NPHP4: variants seen among roughly 807,000 people sequenced by gnomAD.
NPHP4 encodes nephrocystin 4.
A neutral mutation model predicts 155.8 loss-of-function variants in NPHP4; 151 were observed. The ratio of observed to expected loss-of-function variants is 0.97; its 90% CI spans 0.85 to 1.11. The LOEUF (loss-of-function observed/expected upper bound fraction) is 1.11, where lower values mean the gene tolerates loss of function less well. Among genes scored for constraint, NPHP4 ranks in the 50% least tolerant of loss-of-function variants. The pLI is 0.00. For synonymous variants in NPHP4, 845 were observed against 816.8 expected (o/e 1.03, Z -0.59); for missense variants, 1,956 against 1,925.7 (o/e 1.02, Z -0.29).
intron 4 of NPHP4, among the ~76,000 whole-genome samples, chr1:5,968,818 G>C (rs1224583153): frequency 6.6e-6 from 1 of 152,018 alleles, no homozygotes; most frequent in Admixed American, 6.6e-5. Flanking sequence ...TGCATCACTT[G>C]AGGTCAGGAG....
intron 20 of NPHP4, 111 bp downstream of exon 20, chr1:5,876,982 G>A: frequency 4.0e-6 from 3 of 751,350 alleles, no homozygotes; most frequent in Admixed American, 8.3e-5. Context: ...TCTGTCCCCA[G>A]GATTTGGGAG....
rs1553194700 is a variant in NPHP4, at chr1:5,964,940, TA to T, written c.517+2358del. ...TATTATATATATATATATATATATATATTTTTTTTTTTTGAGGCAGGGTCTC... is the reference window on the plus strand; with the variant it reads ...TATTATATATATATATATATATATATTTTTTTTTTTTTGAGGCAGGGTCTC... On this transcript the variant is annotated intron_variant, in intron 5 of 29. Coordinates refer to ENST00000378156, the MANE Select transcript of NPHP4 (RefSeq NM_015102.5). Among the ~76,000 whole-genome samples the T allele has an allele frequency of 3.6e-3, 213 of 59,906 alleles. 10 individuals are homozygous for T. The highest frequency in any genetic ancestry group is 8.5e-3 in the South Asian group (17 of 1,998). The allele number at this position is 59,906 out of a possible 152,430, so 39.3% of individuals were successfully genotyped here.
chr1:5,872,463 C>T (rs1415235303), intron 23 of NPHP4, among the ~76,000 whole-genome samples: 1 of 152,210 alleles, frequency 6.6e-6, no homozygotes, highest in African/African-American at 2.4e-5. Context: ...AAAGCGTTAA[C>T]CTAGAGCACT....
rs187790908 is a variant in NPHP4 at position 5,944,415 on chromosome 1, C to G, written c.1119+2689G>C. Among the ~76,000 whole-genome samples the G allele has an allele frequency of 6.6e-6, 1 of 152,220 alleles. No individual in the cohort carries two copies. The highest frequency in any genetic ancestry group is 1.5e-5 in the Non-Finnish European group (1 of 68,036). The stretch of plus-strand genomic sequence containing the variant: ...CCCGCCCTGGGCCTTCCAAGGAGCG[C>G]GCTGGGCTCCTCTACCACAGCCACC... On this transcript the variant is annotated intron_variant, in intron 9 of 29. Coordinates refer to ENST00000378156, the MANE Select transcript of NPHP4 (RefSeq NM_015102.5). This position sits in a 1 kb window ranked among gnomAD's most constrained non-coding sequence, Gnocchi z 4.3.
chr1:5,874,258 C>T (rs565580608), intron 22 of NPHP4, among the ~76,000 whole-genome samples: 43 of 109,322 alleles, frequency 3.9e-4, no homozygotes, highest in South Asian at 1.2e-3. Flanking sequence ...TGGTCCAGCT[C>T]GACACCCATC....
At chr1:5,919,620 T>C (rs895754218) in intron 11 of NPHP4, among the ~76,000 whole-genome samples, 6 of 152,326 alleles carry the variant, frequency 3.9e-5, no homozygotes, top group African/African-American at 1.4e-4. Context: ...CCTAAAGTGT[T>C]TGCAGAATGG....
chr1:5,976,336 G>A (rs574997187), intron 3 of NPHP4, among the ~76,000 whole-genome samples: 34 of 152,284 alleles, frequency 2.2e-4, no homozygotes, highest in African/African-American at 7.9e-4. Context: ...CCGATGCCTG[G>A]CCACGGGAAG....
intron 27 of NPHP4, chr1:5,864,855 G>A: frequency 1.8e-6 from 1 of 560,968 alleles, no homozygotes; most frequent in Admixed American, 3.0e-5. Context: ...CAGAGCTCCT[G>A]TCACTGTTCA....
rs1179976179 is a variant in NPHP4, at chr1:5,964,970, G to A, written c.517+2329C>T. Among the ~76,000 whole-genome samples the A allele has an allele frequency of 6.3e-5, 6 of 95,432 alleles. No individual in the cohort carries two copies. The East Asian group carries it at 7.6e-4, about 12-fold the overall frequency. 62.6% of individuals were successfully genotyped at this position (95,432 alleles called of 152,430 possible). On this transcript the variant is annotated intron_variant, in intron 5 of 29. Transcript: ENST00000378156. ...TTTTTTTTTGAGGCAGGGTCTCACC[G>A]TCGCCCAGGCTGGAGTGCAGTGGTG...
chr1:5,954,499 G>GTT (rs983304969), intron 6 of NPHP4, among the ~76,000 whole-genome samples: 4 of 152,100 alleles, frequency 2.6e-5, no homozygotes, highest in African/African-American at 9.7e-5. Flanking sequence ...CTCACATTAG[G>GTT]TTTGCCCAAT....
intron 1 of NPHP4, among the ~76,000 whole-genome samples, chr1:5,987,846 G>A (rs911116740): frequency 6.6e-6 from 1 of 152,106 alleles, no homozygotes; most frequent in Non-Finnish European, 1.5e-5. Flanking sequence ...CTTCTCAAAC[G>A]TGAACAAAGT....
At position 5,863,297 on chromosome 1, in the gene NPHP4, C is replaced by T. The variant is rs746775119; in HGVS notation, c.4249G>A (p.Glu1417Lys). 1 of 1,614,042 alleles carries T rather than the reference C, an allele frequency of 6.2e-7. No individual in the cohort carries two copies. The highest frequency in any genetic ancestry group is 8.5e-7 in the Non-Finnish European group (1 of 1,179,892). ...YINDHEDKNE[E>K]AFCVKVIYQ is the part of the protein sequence containing the mutation. ...TAGATGACCTTCACGCAAAATGCCT[C>T]TTCGTTTTTGTCCTCATGGTCATTG... Residue 1417 changes from glutamate to lysine, a missense_variant, in exon 30 of 30, where the codon GAG becomes AAG. Physicochemically the swap from Glu to Lys is moderately conservative, Grantham distance 56. Coordinates refer to ENST00000378156, the MANE Select transcript of NPHP4 (RefSeq NM_015102.5).
In NPHP4 at chr1:5,890,049, A is replaced by C. The variant is rs1557663460; in HGVS notation, c.2304+819T>G. ...CCCGAGAGCACAGCGCAGCTGAAGG[A>C]GCAGAGGAGCCGTGCTTCTCAGGGG... On this transcript the variant is annotated intron_variant, in intron 17 of 29. Coordinates refer to ENST00000378156, the MANE Select transcript of NPHP4 (RefSeq NM_015102.5). This position sits in a 1 kb window ranked among gnomAD's most constrained non-coding sequence, Gnocchi z 4.9. Among the ~76,000 whole-genome samples, 1 of 151,798 alleles carries C rather than the reference A, an allele frequency of 6.6e-6. No individual in the cohort carries two copies.
intron 6 of NPHP4, among the ~76,000 whole-genome samples, chr1:5,959,403 T>C (rs114222920): frequency 0.013 from 1,982 of 152,190 alleles, 34 homozygotes; most frequent in African/African-American, 0.042. Context: ...AATCCAAAAC[T>C]CTGTCTCCCA....
intron 9 of NPHP4, among the ~76,000 whole-genome samples, chr1:5,945,055 T>C (rs1188366876): frequency 6.6e-6 from 1 of 152,150 alleles, no homozygotes; most frequent in Non-Finnish European, 1.5e-5. Flanking sequence ...AACCACCTGT[T>C]GTCAGGAATT....
chr1:5,980,989 C>A (rs531278080), intron 2 of NPHP4, among the ~76,000 whole-genome samples: 1 of 152,330 alleles, frequency 6.6e-6, no homozygotes, highest in East Asian at 1.9e-4. Flanking sequence ...CCCAGAGCAA[C>A]CCCCTGGCTT....
intron 6 of NPHP4, among the ~76,000 whole-genome samples, chr1:5,957,939 C>T (rs1397971448): frequency 6.6e-6 from 1 of 152,234 alleles, no homozygotes; most frequent in Non-Finnish European, 1.5e-5. Context: ...GACCTATGAC[C>T]TCCCTCCTAA....
rs537898401 is a variant in NPHP4 at position 5,864,158 on chromosome 1, C to T, written c.3997-125G>A. On this transcript the variant is annotated intron_variant, in intron 28 of 29. Coordinates refer to ENST00000378156, the MANE Select transcript of NPHP4 (RefSeq NM_015102.5). ...GGGACCCCCACAGAGATAAGACAGA[C>T]GCTCTCTGGAGCTTCCATCCGGGAG... 5.5e-4 allele frequency: 670 copies of T among 1,209,942 alleles called. 13 individuals carry two copies. In the South Asian group the frequency reaches 7.5e-3, roughly 14 times the overall value. The allele number at this position is 1,209,942 out of a possible 1,614,324, so 75.0% of individuals were successfully genotyped here. A position where few individuals can be genotyped will look rare whatever the true frequency, so the allele number is the denominator to read the frequency against.
chr1:5,914,310 T>C (rs768093214), intron 11 of NPHP4, among the ~76,000 whole-genome samples: 5 of 136,576 alleles, frequency 3.7e-5, no homozygotes, highest in Non-Finnish European at 7.6e-5. Flanking sequence ...GGCATGCACC[T>C]GTGGTCCCAG....
Sources: allele counts gnomAD v4.1 joint callset (sites outside exome capture counted in the v4.1 genomes callset), GRCh38; gene constraint gnomAD v4.1.1; non-coding constraint Gnocchi (gnomAD v3.1); transcripts MANE v1.5; gene names NCBI Gene and HGNC (gene_info 2026-07-23, HGNC 2026-07-21).